The following YEATS2 variants were observed in gnomAD, a reference collection of about 807,000 sequenced individuals.
YEATS2 encodes YEATS domain-containing protein 2.
A neutral mutation model predicts 163.2 loss-of-function variants in YEATS2; 77 were observed. That is an observed-to-expected ratio of 0.47 (90% CI 0.39 to 0.57). The LOEUF (loss-of-function observed/expected upper bound fraction) is 0.57. Ranked by LOEUF, YEATS2 falls within the 20% of genes least tolerant of loss-of-function variation. The pLI is 0.00. For missense variants in YEATS2, 1,549 were observed against 1,729.8 expected (o/e 0.90, Z 1.85); for synonymous variants, 631 against 645.1 (o/e 0.98, Z 0.33).
intron 4 of YEATS2, among the ~76,000 whole-genome samples, chr3:183,720,573 G>T (rs1202827755): frequency 6.6e-6 from 1 of 152,134 alleles, no homozygotes; most frequent in Non-Finnish European, 1.5e-5. Context: ...TGCTCCTGAT[G>T]CTGTCTTATA....
At chr3:183,731,089 C>G (rs1013076430) in intron 7 of YEATS2, among the ~76,000 whole-genome samples, 2 of 152,022 alleles carry the variant, frequency 1.3e-5, no homozygotes, top group African/African-American at 4.8e-5. Flanking sequence ...ATCACGAGGT[C>G]AGGAGATCGA....
chr3:183,778,364 A>G (rs1038797728), intron 19 of YEATS2, among the ~76,000 whole-genome samples: 3 of 152,248 alleles, frequency 2.0e-5, no homozygotes, highest in African/African-American at 7.2e-5. Context: ...AAAAAAACGC[A>G]TATTTCTTTA....
At chr3:183,734,009 A>G (rs1718083390) in intron 7 of YEATS2, among the ~76,000 whole-genome samples, 1 of 152,144 alleles carries the variant, frequency 6.6e-6, no homozygotes, top group South Asian at 2.1e-4. Flanking sequence ...CGCCAGAGGA[A>G]TCCTAGTGAG....
At chr3:183,698,153 A>C (rs995424568) in intron 1 of YEATS2, among the ~76,000 whole-genome samples, 160 bp downstream of exon 1, 1 of 151,832 alleles carries the variant, frequency 6.6e-6, no homozygotes, top group South Asian at 2.1e-4. Flanking sequence ...AGGGGAGGGC[A>C]GGGAGGATCC....
chr3:183,744,258 G>T (rs1183781535), intron 8 of YEATS2, among the ~76,000 whole-genome samples: 1 of 151,586 alleles, frequency 6.6e-6, no homozygotes, highest in African/African-American at 2.4e-5. Context: ...GATTACAGGT[G>T]CCCGCCACCA....
At chr3:183,736,936 A>C in intron 8 of YEATS2, 107 bp downstream of exon 8, 2 of 971,582 alleles carry the variant, frequency 2.1e-6, no homozygotes, top group Non-Finnish European at 3.0e-6. Context: ...TAAAAAATTC[A>C]CATACAACTT....
chr3:183,751,491 A>G (rs772108177), intron 9 of YEATS2, among the ~76,000 whole-genome samples: 1 of 152,234 alleles, frequency 6.6e-6, no homozygotes, highest in Non-Finnish European at 1.5e-5. Context: ...GCTGTATTAT[A>G]TCAGAAGGTA....
chr3:183,801,328 A>C, intron 24 of YEATS2, 127 bp from the exon 25 acceptor site: 1 of 594,792 alleles, frequency 1.7e-6, no homozygotes, highest in East Asian at 3.2e-5. Flanking sequence ...AGACATGCTA[A>C]TATGATGGTT....
chr3:183,718,335 G>A (rs563210188), intron 3 of YEATS2, among the ~76,000 whole-genome samples, 165 bp from the exon 4 acceptor site: 2 of 151,966 alleles, frequency 1.3e-5, no homozygotes, highest in South Asian at 2.1e-4. Context: ...AAATCTTTGC[G>A]AATCTGATGG....
intron 1 of YEATS2, among the ~76,000 whole-genome samples, chr3:183,710,768 G>T (rs1715115865): frequency 6.6e-6 from 1 of 151,996 alleles, no homozygotes; most frequent in South Asian, 2.1e-4. Context: ...AGCCATTTTA[G>T]TGGGAGCCAC....
intron 8 of YEATS2, among the ~76,000 whole-genome samples, chr3:183,742,044 A>AC: frequency 7.3e-6 from 1 of 136,570 alleles, no homozygotes. Flanking sequence ...CCTCATCTCT[A>AC]CAAAAAAAAA....
At chr3:183,788,900 T>C (rs780398438) in intron 20 of YEATS2, among the ~76,000 whole-genome samples, 17 of 152,260 alleles carry the variant, frequency 1.1e-4, no homozygotes, top group Non-Finnish European at 2.4e-4. Context: ...TTTTTTTATA[T>C]GCCCCTTGGG....
chr3:183,804,328 G>GCAGT (rs1200487651), intron 27 of YEATS2, 140 bp downstream of exon 27: 1 of 979,500 alleles, frequency 1.0e-6, no homozygotes, highest in African/African-American at 1.6e-5. Flanking sequence ...GTGGGACCGT[G>GCAGT]CAGTCCCCAT....
chr3:183,800,324 T>TGGCTGTGTCCCCTGGCTGTGTCCCCA, intron 23 of YEATS2, 142 bp from the exon 24 acceptor site: 1 of 623,252 alleles, frequency 1.6e-6, no homozygotes, highest in Non-Finnish European at 2.9e-6. Context: ...AGGAGCCATC[T>TGGCTGTGTCCCCTGGCTGTGTCCCCA]CAGTCCCCTG....
chr3:183,754,485 A>G (rs1720511535), intron 11 of YEATS2, 120 bp downstream of exon 11: 1 of 1,344,860 alleles, frequency 7.4e-7, no homozygotes, highest in Non-Finnish European at 9.8e-7. Flanking sequence ...TGTTATGTTT[A>G]ACAAAAGGAA....
chr3:183,807,266 T>C, intron 28 of YEATS2, 174 bp downstream of exon 28: 1 of 618,452 alleles, frequency 1.6e-6, no homozygotes, highest in African/African-American at 1.8e-5. Flanking sequence ...GACCCAGGTG[T>C]GCTCTCAGGG....
chr3:183,775,746 C>A (rs1364839936), intron 17 of YEATS2, among the ~76,000 whole-genome samples, 169 bp from the exon 18 acceptor site: 1 of 152,294 alleles, frequency 6.6e-6, no homozygotes, highest in East Asian at 1.9e-4. Flanking sequence ...CTAGGAAGTT[C>A]TCCTCACTCT....
In YEATS2 at chr3:183,762,079, CATT is replaced by C. The variant is rs1721420128; in HGVS notation, c.1765-15_1765-13del. 6.2e-7 allele frequency: 1 copy of C among 1,613,850 alleles called. No homozygotes were observed. Among genetic ancestry groups the C allele is most frequent in the Admixed American group, 1.7e-5 (1 of 59,984 alleles). On this transcript the variant is annotated splice_polypyrimidine_tract_variant and intron_variant, in intron 14 of 30. Transcript: ENST00000305135. ...ATGTTTATGGATGTTTATTCAGTGT[CATT>C]ATGTTTGTTGCAAGGTGATCATCAA...
intron 3 of YEATS2, among the ~76,000 whole-genome samples, chr3:183,718,120 G>A (rs879602669): frequency 4.6e-5 from 7 of 152,204 alleles, no homozygotes; most frequent in Non-Finnish European, 5.9e-5. Context: ...CCATTTACCC[G>A]GATGTGATTA....
Sources: allele counts gnomAD v4.1 joint callset (sites outside exome capture counted in the v4.1 genomes callset), GRCh38; gene constraint gnomAD v4.1.1; transcripts MANE v1.5; gene names NCBI Gene and HGNC (gene_info 2026-07-23, HGNC 2026-07-21).